KANSL1L: variants seen among roughly 807,000 people sequenced by gnomAD.
The protein encoded by KANSL1L is KAT8 regulatory NSL complex subunit 1-like protein.
Under a neutral mutation model 108.6 loss-of-function variants are expected in KANSL1L, and 25 were observed. The ratio of observed to expected loss-of-function variants is 0.23; its 90% confidence interval spans 0.17 to 0.32. The LOEUF (loss-of-function observed/expected upper bound fraction) is 0.32, where lower values mean the gene tolerates loss of function less well. Among genes scored for constraint, KANSL1L ranks in the 10% least tolerant of loss-of-function variants. The probability of loss-of-function intolerance (pLI) is 1.00; values close to 1 mark genes in which losing one functional copy is unlikely to be tolerated. For synonymous variants in KANSL1L, 405 were observed against 395.1 expected, an observed-to-expected ratio of 1.03 and a Z score of -0.30; for missense variants, 1,137 against 1,125.7, an observed-to-expected ratio of 1.01 and a Z score of -0.14.
intron 6 of KANSL1L, among the ~76,000 whole-genome samples, chr2:210,057,050 T>C (rs989580384): frequency 1.3e-5 from 2 of 152,176 alleles, no homozygotes; most frequent in Non-Finnish European, 2.9e-5. Flanking sequence ...TCCCTTTGAA[T>C]TTGGGCTGAC....
chr2:210,059,844 C>T (rs955151051), intron 6 of KANSL1L, among the ~76,000 whole-genome samples: 2 of 151,956 alleles, frequency 1.3e-5, no homozygotes, highest in Non-Finnish European at 2.9e-5. Flanking sequence ...CGGGTTCAAG[C>T]GATTCTCCTG....
rs2094537494 is a variant in KANSL1L, at chr2:210,075,740, C to T, written c.1567G>A (p.Asp523Asn). Reference sequence around the variant, plus strand: ...CAGCTACTGGAGGAAGACAGCTCATCTAAATTCTCTGATGCACTGAAATGC... The same window carrying T: ...CAGCTACTGGAGGAAGACAGCTCATTTAAATTCTCTGATGCACTGAAATGC... ...GIYRSASENL[D>N]ELSSSSSWLL... is the part of the protein sequence containing the mutation. Residue 523 changes from aspartate to asparagine, a missense_variant, in exon 6 of 15, where the codon GAT becomes AAT. By Grantham distance (23) the Asp-to-Asn change is conservative (BLOSUM62 1). Coordinates refer to ENST00000281772, the MANE Select transcript of KANSL1L (RefSeq NM_152519.4). The T allele has an allele frequency of 1.2e-6, 2 of 1,613,370 alleles. No homozygotes were observed. The highest frequency in any genetic ancestry group is 1.1e-5 in the South Asian group (1 of 91,042).
intron 5 of KANSL1L, among the ~76,000 whole-genome samples, chr2:210,090,544 T>C (rs1016316512): frequency 2.0e-5 from 3 of 152,178 alleles, no homozygotes; most frequent in Non-Finnish European, 4.4e-5. Flanking sequence ...TTGTTGTTTT[T>C]GGGGGGTTTT....
intron 3 of KANSL1L, among the ~76,000 whole-genome samples, chr2:210,126,791 C>G (rs2095069729): frequency 6.6e-6 from 1 of 152,172 alleles, no homozygotes; most frequent in Admixed American, 6.5e-5. Context: ...GCACTCCAGC[C>G]TTGGCAACAT....
intron 4 of KANSL1L, among the ~76,000 whole-genome samples, chr2:210,103,798 A>G (rs975232311): frequency 2.0e-5 from 3 of 152,158 alleles, no homozygotes; most frequent in African/African-American, 7.2e-5. Context: ...TCTCTCCTTG[A>G]AAAAAATCCA....
rs1037887360 is a variant in KANSL1L at position 210,098,181 on chromosome 2, G to A, written c.1455C>T (p.Asn485=). The A allele has an allele frequency of 1.2e-6, 2 of 1,612,382 alleles. No homozygotes were observed. The highest frequency in any genetic ancestry group is 1.7e-6 in the Non-Finnish European group (2 of 1,179,138). ...KQSAQLTEII[N]SLIAPLNLSP... ...ACAAGTTGAGAGGGGCAATCAAACTGTTGATGATCTCAGTCAACTGTGCAC... is the reference window on the plus strand; with the variant it reads ...ACAAGTTGAGAGGGGCAATCAAACTATTGATGATCTCAGTCAACTGTGCAC... Residue 485 remains asparagine, a synonymous_variant, in exon 5 of 15, where the codon AAC becomes AAT. Coordinates refer to ENST00000281772, the MANE Select transcript of KANSL1L (RefSeq NM_152519.4).
intron 3 of KANSL1L, among the ~76,000 whole-genome samples, chr2:210,106,489 C>T (rs969171840): frequency 6.6e-6 from 1 of 152,162 alleles, no homozygotes; most frequent in South Asian, 2.1e-4. Flanking sequence ...ACCAGGGAGG[C>T]AGGGCATGGT....
chr2:210,105,442 C>T (rs970789484), intron 3 of KANSL1L, among the ~76,000 whole-genome samples: 27 of 148,504 alleles, frequency 1.8e-4, no homozygotes, highest in African/African-American at 6.6e-4. Flanking sequence ...TATTACACTC[C>T]TAATGTGGCT....
At position 210,022,873 on chromosome 2, in the gene KANSL1L, G is replaced by A. The variant is rs927982796; in HGVS notation, c.*76C>T. On this transcript the variant is annotated 3_prime_UTR_variant, in exon 15 of 15. Transcript: ENST00000281772. ...CAGAACATGCTCTTATTCTGGAGGG[G>A]ATGGGGGATCCAGAACAGGGCTTTA... is the stretch of plus-strand genomic sequence containing the variant. 17 of 949,014 alleles carry A rather than the reference G, an allele frequency of 1.8e-5. No homozygotes were observed. Among genetic ancestry groups the A allele is most frequent in the Non-Finnish European group, 2.8e-5 (17 of 598,382 alleles). The allele number at this position is 949,014 out of a possible 1,614,324, so 58.8% of individuals were successfully genotyped here.
chr2:210,025,626 A>C (rs1259509460), intron 12 of KANSL1L, among the ~76,000 whole-genome samples: 2 of 152,244 alleles, frequency 1.3e-5, no homozygotes, highest in African/African-American at 2.4e-5. Flanking sequence ...AACTAAAATA[A>C]ATGCTATCTG....
chr2:210,049,290 C>A (rs551524598), intron 6 of KANSL1L, among the ~76,000 whole-genome samples: 92 of 152,070 alleles, frequency 6.0e-4, no homozygotes, highest in African/African-American at 2.1e-3. Flanking sequence ...TCCACCCCCC[C>A]ACCCCTCCAC....
intron 2 of KANSL1L, among the ~76,000 whole-genome samples, chr2:210,148,120 C>A (rs960909921): frequency 6.6e-6 from 1 of 151,992 alleles, no homozygotes; most frequent in South Asian, 2.1e-4. Flanking sequence ...TATATGCTGA[C>A]CAATTTAGGG....
intron 5 of KANSL1L, among the ~76,000 whole-genome samples, chr2:210,079,142 T>A (rs1028509773): frequency 3.9e-5 from 6 of 151,990 alleles, no homozygotes; most frequent in Non-Finnish European, 7.4e-5. Context: ...AAAATTTTTT[T>A]AAAGTCATAA....
At chr2:210,065,579 A>ATTTT (rs57999970) in intron 6 of KANSL1L, among the ~76,000 whole-genome samples, 1 of 64,894 alleles carries the variant, frequency 1.5e-5, no homozygotes, top group Non-Finnish European at 3.0e-5. Context: ...CCTGGACATG[A>ATTTT]TTTTTTTTTT....
intron 8 of KANSL1L, among the ~76,000 whole-genome samples, chr2:210,038,908 G>A (rs1191527199): frequency 6.6e-6 from 1 of 151,876 alleles, no homozygotes; most frequent in African/African-American, 2.4e-5. Flanking sequence ...GTAATATAAA[G>A]CCCTTCAATC....
rs559874835 is a variant in KANSL1L at position 210,033,133 on chromosome 2, G to A, written c.2030-1587C>T. ...GTAACAAGATGAGACTAGAAAGAGT[G>A]AAAAGGAGGGAATAGTTGAAGAAGT... On this transcript the variant is annotated intron_variant, in intron 8 of 14. Coordinates refer to ENST00000281772, the MANE Select transcript of KANSL1L (RefSeq NM_152519.4). 7.2e-5 allele frequency among the ~76,000 whole-genome samples: 11 copies of A among 152,280 alleles called. No individual in the cohort carries two copies. The South Asian group carries it at 2.3e-3, about 32-fold the overall frequency.
chr2:210,161,057 C>T (rs1009868913), intron 1 of KANSL1L, among the ~76,000 whole-genome samples: 2 of 147,694 alleles, frequency 1.4e-5, no homozygotes, highest in Admixed American at 6.8e-5. Flanking sequence ...GGCGTGATCT[C>T]GGCTCACCGC....
rs1465982889 is a variant in KANSL1L, at chr2:210,114,817, AAAGGAAATGAGTTTTTATATGTT to A, written c.1231-10539_1231-10517del. Among the ~76,000 whole-genome samples the A allele has an allele frequency of 7.9e-5, 12 of 152,220 alleles. No homozygotes were observed. The East Asian group carries it at 1.9e-3, about 24-fold the overall frequency. ...CCAAAAGGGGTGGGAACAAAGCTGT[AAAGGAAATGAGTTTTTATATGTT>A]ACTAAAGTTAAACTGGAATAAATTC... is the stretch of plus-strand genomic sequence containing the variant. On this transcript the variant is annotated intron_variant, in intron 3 of 14. Transcript: ENST00000281772.
At chr2:210,143,880 C>A (rs2095247666) in intron 2 of KANSL1L, among the ~76,000 whole-genome samples, 1 of 152,106 alleles carries the variant, frequency 6.6e-6, no homozygotes, top group Non-Finnish European at 1.5e-5. Context: ...TTATACACCA[C>A]CATTATTAGA....
Sources: gnomAD v4.1 joint callset for allele counts (sites outside exome capture counted in the v4.1 genomes callset) on GRCh38, gnomAD v4.1.1 for gene constraint, MANE v1.5 for transcripts, NCBI Gene and HGNC (gene_info 2026-07-23, HGNC 2026-07-21) for gene names.